FAM185A: variants seen among roughly 807,000 people sequenced by gnomAD.
FAM185A encodes the protein family with sequence similarity 185 member A.
FAM185A carries 21 observed loss-of-function variants against 45.7 expected under a neutral mutation model. The ratio of observed to expected loss-of-function variants is 0.46; its 90% confidence interval spans 0.33 to 0.66. The LOEUF is 0.66. Among genes scored for constraint, FAM185A ranks in the 30% least tolerant of loss-of-function variants. The pLI, the probability that FAM185A is intolerant of heterozygous loss-of-function variation, is 0.03. For synonymous variants in FAM185A, 117 were observed against 194.0 expected (o/e 0.60, Z 3.30); for missense variants, 305 against 485.4 (o/e 0.63, Z 3.49).
At chr7:102,770,215 C>T (rs1295612184) in intron 4 of FAM185A, among the ~76,000 whole-genome samples, 1 of 150,882 alleles carries the variant, frequency 6.6e-6, no homozygotes, top group Non-Finnish European at 1.5e-5. Flanking sequence ...TCTTTACCTA[C>T]TTTTCCAAAC....
chr7:102,849,267 T>C, the FAM185A span, among the ~76,000 whole-genome samples: 1 of 152,208 alleles, frequency 6.6e-6, no homozygotes, highest in African/African-American at 2.4e-5. Context: ...ACATAATCAT[T>C]GAATGTCTGT....
At chr7:102,827,031 G>A in the FAM185A span, 738 of 399,952 alleles carry the variant, frequency 1.8e-3, 5 homozygotes, top group Non-Finnish European at 2.5e-3. Flanking sequence ...TCAGCAAGAA[G>A]TAGAGTCTGT....
the FAM185A span, among the ~76,000 whole-genome samples, chr7:102,847,811 G>A: frequency 6.6e-6 from 1 of 152,088 alleles, no homozygotes; most frequent in Non-Finnish European, 1.5e-5. Flanking sequence ...TTATAGGTGT[G>A]AACTACTGCA....
intron 6 of FAM185A, among the ~76,000 whole-genome samples, chr7:102,781,865 G>A (rs1210455150): frequency 3.9e-5 from 6 of 152,106 alleles, no homozygotes; most frequent in Non-Finnish European, 8.8e-5. Flanking sequence ...CTGAGCTAAA[G>A]GAGGAAGTTT....
chr7:102,755,519 C>G, intron 2 of FAM185A: 1 of 627,914 alleles, frequency 1.6e-6, no homozygotes, highest in Non-Finnish European at 2.8e-6. Flanking sequence ...GCAAAGGGGA[C>G]CTCCCCATTA....
intron 7 of FAM185A, among the ~76,000 whole-genome samples, chr7:102,788,240 A>C (rs1584339197): frequency 6.6e-6 from 1 of 152,182 alleles, no homozygotes; most frequent in Non-Finnish European, 1.5e-5. Flanking sequence ...AAGTGCTGGG[A>C]TTATAGGAAT....
At chr7:102,757,399 ATC>A (rs1462838170) in intron 2 of FAM185A, among the ~76,000 whole-genome samples, 2 of 152,238 alleles carry the variant, frequency 1.3e-5, no homozygotes, top group Non-Finnish European at 2.9e-5. Context: ...TGTAATACTT[ATC>A]TCTCTGGTTT....
intron 7 of FAM185A, among the ~76,000 whole-genome samples, chr7:102,801,078 G>C (rs935614877): frequency 6.6e-5 from 10 of 152,166 alleles, no homozygotes; most frequent in African/African-American, 1.2e-4. Context: ...CCCATCTTCA[G>C]CCTTCTCAAA....
rs1457349701 is a variant in FAM185A, at chr7:102,749,029, G to A, written c.-179G>A. ...TTTCAAATCCCAACTTGCCCCTGGG[G>A]ATTGCGCGGCTGATGTTTAGAACGC... is the stretch of plus-strand genomic sequence containing the variant. On this transcript the variant is annotated 5_prime_UTR_variant, in exon 1 of 8. Coordinates refer to ENST00000413034, the MANE Select transcript of FAM185A (RefSeq NM_001145268.2). 1.9e-5 allele frequency: 18 copies of A among 967,746 alleles called. No homozygotes were observed. Among genetic ancestry groups the A allele is most frequent in the Non-Finnish European group, 2.9e-5 (18 of 624,170 alleles). The allele number at this position is 967,746 out of a possible 1,614,324, so 59.9% of individuals were successfully genotyped here. A position where few individuals can be genotyped will look rare whatever the true frequency, so the allele number is the denominator to read the frequency against.
chr7:102,822,733 A>G, the FAM185A span, among the ~76,000 whole-genome samples: 14 of 152,340 alleles, frequency 9.2e-5, no homozygotes, highest in Admixed American at 8.5e-4. Context: ...CTGTTTCCAA[A>G]TAAGGTCAGA....
the FAM185A span, among the ~76,000 whole-genome samples, chr7:102,817,269 T>C: frequency 1.3e-5 from 2 of 152,214 alleles, no homozygotes; most frequent in African/African-American, 4.8e-5. Flanking sequence ...CCAGCATCTT[T>C]TATTTTTTGA....
intron 7 of FAM185A, 90 bp downstream of exon 7, chr7:102,787,559 T>C: frequency 7.7e-7 from 1 of 1,294,580 alleles, no homozygotes; most frequent in Non-Finnish European, 9.9e-7. Context: ...GTTTTAGCTT[T>C]TTTATATTTT....
At chr7:102,804,622 G>C (rs1244523122) in intron 7 of FAM185A, among the ~76,000 whole-genome samples, 2 of 151,786 alleles carry the variant, frequency 1.3e-5, no homozygotes, top group East Asian at 3.9e-4. Context: ...CATTGGCTTA[G>C]GCAAGGATTT....
At chr7:102,822,276 T>G in the FAM185A span, 8 of 1,399,924 alleles carry the variant, frequency 5.7e-6, no homozygotes, top group East Asian at 1.8e-4. Flanking sequence ...TTAGTCACTT[T>G]GGGCAACTAT....
chr7:102,759,702 C>A (rs957354444), intron 3 of FAM185A, among the ~76,000 whole-genome samples: 1 of 151,948 alleles, frequency 6.6e-6, no homozygotes, highest in African/African-American at 2.4e-5. Context: ...CTGTGTGTCT[C>A]AATTTTTTGG....
At chr7:102,843,189 A>T in the FAM185A span, among the ~76,000 whole-genome samples, 249 of 152,302 alleles carry the variant, frequency 1.6e-3, 1 homozygote, top group African/African-American at 5.5e-3. Flanking sequence ...CACACCTGTA[A>T]CCCCAACACT....
chr7:102,792,807 T>C (rs1288981866), intron 7 of FAM185A, among the ~76,000 whole-genome samples: 2 of 151,336 alleles, frequency 1.3e-5, no homozygotes, highest in Non-Finnish European at 2.9e-5. Context: ...TCTTAGCTTG[T>C]CTAAAGGACA....
At chr7:102,830,774 A>T in the FAM185A span, among the ~76,000 whole-genome samples, 2 of 152,232 alleles carry the variant, frequency 1.3e-5, no homozygotes, top group Non-Finnish European at 2.9e-5. Flanking sequence ...AGTGTGTACA[A>T]TAGAAGAGAA....
At chr7:102,833,596 C>A in the FAM185A span, among the ~76,000 whole-genome samples, 1 of 138,196 alleles carries the variant, frequency 7.2e-6, no homozygotes, top group African/African-American at 2.6e-5. Context: ...CCGGCTAATT[C>A]TTTTTTTTTT....
Sources: allele counts gnomAD v4.1 joint callset (sites outside exome capture counted in the v4.1 genomes callset), GRCh38; gene constraint gnomAD v4.1.1; transcripts MANE v1.5; gene names NCBI Gene and HGNC (gene_info 2026-07-23, HGNC 2026-07-21).